Variants in ADGB observed in about 807,000 individuals in gnomAD.
ADGB encodes the protein androglobin.
In ADGB, 172 loss-of-function variants were observed where a neutral mutation model predicts 210.5. That is an observed-to-expected ratio of 0.82 (90% CI 0.72 to 0.93). The LOEUF (loss-of-function observed/expected upper bound fraction) is 0.93. Ranked by LOEUF, ADGB falls within the 40% of genes least tolerant of loss-of-function variation. ADGB has a pLI of 0.00. For missense variants in ADGB, 2,025 were observed against 1,964.8 expected (o/e 1.03, Z -0.58); for synonymous variants, 658 against 662.7 (o/e 0.99, Z 0.11).
chr6:146,792,134 T>C (rs965966163), intron 33 of ADGB, among the ~76,000 whole-genome samples: 1 of 152,052 alleles, frequency 6.6e-6, no homozygotes, highest in African/African-American at 2.4e-5. Context: ...TAGTGTAGCT[T>C]TGTAATATGT....
At chr6:146,814,071 G>C (rs9377028) in intron 35 of ADGB, among the ~76,000 whole-genome samples, 51,497 of 151,840 alleles carry the variant, frequency 0.34, 9,253 homozygotes, top group East Asian at 0.68. Context: ...TCTTCTACTT[G>C]TGCAATTGGT....
At position 146,734,019 on chromosome 6, in the gene ADGB, C is replaced by A; in HGVS notation, c.2783C>A (p.Ala928Asp). Reference protein sequence around the residue: ...RGTYVRLLMKARIPDTKENIS... With the variant: ...RGTYVRLLMKDRIPDTKENIS... ...ACTTACGTTAGATTGCTTATGAAAG[C>A]CAGAATACCAGGTATGATTGTCCAA... Residue 928 changes from alanine to aspartate, a missense_variant, in exon 22 of 36, where the codon GCC becomes GAC. Coordinates refer to ENST00000397944, the MANE Select transcript of ADGB (RefSeq NM_024694.4). 1 of 1,551,094 alleles carries A rather than the reference C, an allele frequency of 6.4e-7. No homozygotes were observed. The highest frequency in any genetic ancestry group is 1.4e-5 in the African/African-American group (1 of 73,104).
chr6:146,674,048 CG>C (rs1263276877), intron 8 of ADGB, among the ~76,000 whole-genome samples: 1 of 152,064 alleles, frequency 6.6e-6, no homozygotes, highest in Non-Finnish European at 1.5e-5. Flanking sequence ...ATTTTGTCAT[CG>C]GGGCCAAAGG....
chr6:146,735,228 C>T (rs892822917), intron 22 of ADGB, among the ~76,000 whole-genome samples: 19 of 152,150 alleles, frequency 1.2e-4, no homozygotes, highest in African/African-American at 4.1e-4. Context: ...TGTCTTGCTT[C>T]ATTTTGTGCT....
rs375586266 is a variant in ADGB, at chr6:146,790,579, A to G, written c.4537+1969A>G. ...TGTGTCTACATACCACATTTTAAAA[A>G]ATCCATTCCTCTACTGATGCGTACT... On this transcript the variant is annotated intron_variant, in intron 33 of 35. Transcript: ENST00000397944. Among the ~76,000 whole-genome samples the G allele has an allele frequency of 2.0e-5, 3 of 152,192 alleles. No homozygotes were observed. The East Asian group carries it at 5.8e-4, about 29-fold the overall frequency.
intron 1 of ADGB, among the ~76,000 whole-genome samples, chr6:146,628,912 G>A (rs541737502): frequency 1.1e-4 from 16 of 152,060 alleles, no homozygotes; most frequent in Middle Eastern, 3.4e-3. Context: ...CTGGCAATAC[G>A]GGGAAATAAA....
At chr6:146,771,095 C>A (rs1368690618) in intron 29 of ADGB, among the ~76,000 whole-genome samples, 1 of 152,028 alleles carries the variant, frequency 6.6e-6, no homozygotes, top group Non-Finnish European at 1.5e-5. Context: ...CCGCAAATAC[C>A]TTGCAGGCCA....
intron 26 of ADGB, 98 bp from the exon 27 acceptor site, chr6:146,752,432 C>A: frequency 9.3e-7 from 1 of 1,076,826 alleles, no homozygotes; most frequent in Non-Finnish European, 1.3e-6. Flanking sequence ...AGTTTGACAG[C>A]AGATTTGGGC....
intron 35 of ADGB, among the ~76,000 whole-genome samples, chr6:146,808,769 T>A (rs145813778): frequency 6.6e-6 from 1 of 152,196 alleles, no homozygotes; most frequent in Non-Finnish European, 1.5e-5. Context: ...CTCAGCTCAC[T>A]GCAACCTCTA....
At chr6:146,606,334 A>G (rs982149144) in intron 1 of ADGB, among the ~76,000 whole-genome samples, 4 of 152,126 alleles carry the variant, frequency 2.6e-5, no homozygotes, top group African/African-American at 7.2e-5. Context: ...ATTTTCTTCA[A>G]TTCTGTAGGG....
intron 1 of ADGB, among the ~76,000 whole-genome samples, chr6:146,610,424 T>C (rs975241740): frequency 9.2e-5 from 14 of 152,232 alleles, no homozygotes; most frequent in African/African-American, 3.4e-4. Context: ...TTGGCTTTTA[T>C]AATTGCTACA....
intron 12 of ADGB, among the ~76,000 whole-genome samples, chr6:146,693,772 A>G (rs1261079520): frequency 6.6e-6 from 1 of 152,116 alleles, no homozygotes; most frequent in Non-Finnish European, 1.5e-5. Context: ...TTTGCTTAGA[A>G]ATTTCCTCAA....
At chr6:146,701,583 C>T (rs1419343654) in intron 13 of ADGB, among the ~76,000 whole-genome samples, 1 of 151,934 alleles carries the variant, frequency 6.6e-6, no homozygotes, top group East Asian at 1.9e-4. Context: ...TCTCAAATGT[C>T]CCTTGAAACA....
chr6:146,777,282 A>C (rs1217302420), intron 29 of ADGB, among the ~76,000 whole-genome samples: 1 of 152,052 alleles, frequency 6.6e-6, no homozygotes, highest in Non-Finnish European at 1.5e-5. Context: ...ACTTCTCTGA[A>C]TATACCCTGC....
At chr6:146,713,207 G>A (rs941165465) in intron 13 of ADGB, among the ~76,000 whole-genome samples, 13 of 152,102 alleles carry the variant, frequency 8.5e-5, no homozygotes, top group African/African-American at 2.7e-4. Context: ...CATGAATAAC[G>A]CTGCTATGAA....
chr6:146,637,161 T>G (rs944842481), intron 2 of ADGB, among the ~76,000 whole-genome samples: 19 of 152,014 alleles, frequency 1.2e-4, no homozygotes, highest in African/African-American at 4.1e-4. Context: ...ACAAGGTCAG[T>G]TCCACATTCA....
intron 1 of ADGB, among the ~76,000 whole-genome samples, chr6:146,615,067 A>ATT (rs373490088): frequency 6.9e-5 from 10 of 145,740 alleles, no homozygotes; most frequent in South Asian, 2.2e-4. Context: ...CGCCCGGCTA[A>ATT]TTTTTTTTTT....
At chr6:146,808,966 G>C (rs1269227303) in intron 35 of ADGB, among the ~76,000 whole-genome samples, 2 of 151,946 alleles carry the variant, frequency 1.3e-5, no homozygotes, top group African/African-American at 4.8e-5. Context: ...AGGCCGCGAA[G>C]GCCTCGAGCT....
At chr6:146,698,998 G>C (rs1776449817) in intron 12 of ADGB, among the ~76,000 whole-genome samples, 1 of 152,236 alleles carries the variant, frequency 6.6e-6, no homozygotes, top group Non-Finnish European at 1.5e-5. Flanking sequence ...GTCACACACA[G>C]AGTTTTTCTA....
Sources: allele counts gnomAD v4.1 joint callset (sites outside exome capture counted in the v4.1 genomes callset), GRCh38; gene constraint gnomAD v4.1.1; transcripts MANE v1.5; gene names NCBI Gene and HGNC (gene_info 2026-07-23, HGNC 2026-07-21).